COQ10B: variants seen among roughly 807,000 people sequenced by gnomAD.
COQ10B encodes coenzyme Q-binding protein COQ10 homolog B, mitochondrial.
A neutral mutation model predicts 27.6 loss-of-function variants in COQ10B; 12 were observed. That is an observed-to-expected ratio of 0.43 (90% CI 0.28 to 0.70). COQ10B has a LOEUF of 0.70. COQ10B is among the 30% of genes least tolerant of loss of function. The pLI, the probability that COQ10B is intolerant of heterozygous loss-of-function variation, is 0.17. For missense variants in COQ10B, 278 were observed against 288.7 expected (o/e 0.96, Z 0.27); for synonymous variants, 115 against 103.0 (o/e 1.12, Z -0.71).
chr2:197,473,188 CA>C (rs1290362536), intron 4 of COQ10B, among the ~76,000 whole-genome samples: 5 of 151,628 alleles, frequency 3.3e-5, no homozygotes, highest in Non-Finnish European at 7.4e-5. Context: ...TACATACATC[CA>C]CACAATTCTA....
intron 1 of COQ10B, among the ~76,000 whole-genome samples, chr2:197,459,711 T>A (rs1477091926): frequency 6.6e-6 from 1 of 151,836 alleles, no homozygotes; most frequent in African/African-American, 2.4e-5. Flanking sequence ...ATGCCTTTTA[T>A]GCCAGAAGCT....
Position 197,462,624 on chromosome 2 carries a change from A to T in COQ10B, c.340A>T (p.Ile114Leu), listed in dbSNP as rs754328875. 1 of 1,599,782 alleles carries T rather than the reference A, an allele frequency of 6.3e-7. No individual in the cohort carries two copies. Residue 114 changes from isoleucine (I) to leucine (L), a missense_variant, in exon 3 of 5, where the codon ATA (isoleucine) becomes TTA (leucine). Ile to Leu is a conservative substitution (Grantham distance 5). Coordinates refer to ENST00000263960, the MANE Select transcript of COQ10B (RefSeq NM_025147.5). ...FVPWCKKSDVISKRSGYCKTR... is the reference protein window; with the variant it reads ...FVPWCKKSDVLSKRSGYCKTR... Reference sequence around the variant, plus strand: ...TCCTTGGTGCAAAAAATCAGATGTTATATCAAAGAGATCTGGATATTGTAA... The same window carrying T: ...TCCTTGGTGCAAAAAATCAGATGTTTTATCAAAGAGATCTGGATATTGTAA...
In COQ10B at chr2:197,463,670, C is replaced by A. The variant is rs189996546; in HGVS notation, c.447+939C>A. 3.5e-3 allele frequency among the ~76,000 whole-genome samples: 527 copies of A among 150,320 alleles called. 1 individual carries two copies. The highest frequency in any genetic ancestry group is 5.6e-3 in the Non-Finnish European group (378 of 67,612). On this transcript the variant is annotated intron_variant, in intron 3 of 4. Coordinates refer to ENST00000263960, the MANE Select transcript of COQ10B (RefSeq NM_025147.5). Reference sequence around the variant, plus strand: ...AAATATTGGGGGGCAAAGTGGCTCACGCCTGTAATCCCAGCACTTTGGGAG... The same window carrying A: ...AAATATTGGGGGGCAAAGTGGCTCAAGCCTGTAATCCCAGCACTTTGGGAG...
intron 4 of COQ10B, among the ~76,000 whole-genome samples, chr2:197,471,417 C>T (rs1455596620): frequency 6.6e-6 from 1 of 151,834 alleles, no homozygotes; most frequent in African/African-American, 2.4e-5. Flanking sequence ...GCTGGGATTA[C>T]AGGCGTGAGC....
At chr2:197,454,102 C>T (rs1025392287) in intron 1 of COQ10B, 20 of 1,549,854 alleles carry the variant, frequency 1.3e-5, no homozygotes, top group Non-Finnish European at 1.7e-5. Flanking sequence ...GATGCGTTTT[C>T]CCAATTTCTG....
chr2:197,453,757 G>A, intron 1 of COQ10B, 93 bp downstream of exon 1: 2 of 1,184,230 alleles, frequency 1.7e-6, no homozygotes, highest in Non-Finnish European at 2.5e-6. Flanking sequence ...AGGCAGAGCC[G>A]GACTCGGTGC....
In COQ10B at chr2:197,475,086, G is replaced by A. The variant is rs1450881654; in HGVS notation, c.*1162G>A. ...AAAACAAATCAATGTAAGGACTGAA[G>A]TTGAAGTAGCAATGTAATAAAGTTA... is the stretch of plus-strand genomic sequence containing the variant. On this transcript the variant is annotated 3_prime_UTR_variant, in exon 5 of 5. Transcript: ENST00000263960. 1 of 152,328 alleles carries A rather than the reference G, an allele frequency of 6.6e-6. No homozygotes were observed. Among genetic ancestry groups the A allele is most frequent in the African/African-American group, 2.4e-5 (1 of 41,438 alleles). 9.4% of individuals were successfully genotyped at this position (152,328 alleles called of 1,614,324 possible).
intron 3 of COQ10B, 88 bp downstream of exon 3, chr2:197,462,819 T>G: frequency 1.4e-6 from 1 of 732,342 alleles, no homozygotes; most frequent in Non-Finnish European, 2.2e-6. Context: ...CTAAAAAAAC[T>G]TATTTAACCT....
intron 3 of COQ10B, among the ~76,000 whole-genome samples, chr2:197,468,200 G>A (rs1211857092): frequency 2.0e-5 from 3 of 152,070 alleles, no homozygotes; most frequent in Non-Finnish European, 2.9e-5. Context: ...CAGCACTTTG[G>A]AAGGCCGAGG....
At position 197,460,088 on chromosome 2, in the gene COQ10B, A is replaced by G. The variant is rs747818512; in HGVS notation, c.254+7A>G. 8 of 1,587,450 alleles carry G rather than the reference A, an allele frequency of 5.0e-6. No homozygotes were observed. The highest frequency in any genetic ancestry group is 1.7e-4 in the Middle Eastern group (1 of 6,002). On this transcript the variant is annotated splice_region_variant and intron_variant, in intron 2 of 4. Coordinates refer to ENST00000263960, the MANE Select transcript of COQ10B (RefSeq NM_025147.5). Reference sequence around the variant, plus strand: ...CAGAGAGAAGAATTTTAGGGTTCGTATATGATAAGAATTCTACTAAAAGAG... The same window carrying G: ...CAGAGAGAAGAATTTTAGGGTTCGTGTATGATAAGAATTCTACTAAAAGAG...
intron 4 of COQ10B, among the ~76,000 whole-genome samples, chr2:197,473,065 C>G (rs2085895579): frequency 6.6e-6 from 1 of 152,062 alleles, no homozygotes; most frequent in Admixed American, 6.6e-5. Context: ...CAGACTTTTT[C>G]CCTTGAAATG....
chr2:197,454,834 T>A (rs2085678489), intron 1 of COQ10B, among the ~76,000 whole-genome samples: 1 of 152,198 alleles, frequency 6.6e-6, no homozygotes, highest in African/African-American at 2.4e-5. Flanking sequence ...TTCTGACCTT[T>A]ATTATACTTA....
Position 197,453,675 on chromosome 2 carries a change from GC to G in COQ10B, c.104+12del, listed in dbSNP as rs761249453. 58 of 1,608,644 alleles carry G rather than the reference GC, an allele frequency of 3.6e-5. No homozygotes were observed. Among genetic ancestry groups the G allele is most frequent in the Non-Finnish European group, 4.8e-5 (56 of 1,175,404 alleles). ...CGTGCGGAATGGCAGGTAATCAACA[GC>G]GGGGGCGCTGAGACGAGAGTAGTTT... On this transcript the variant is annotated intron_variant, in intron 1 of 4. Transcript: ENST00000263960.
Position 197,473,478 on chromosome 2 carries a change from G to A in COQ10B, c.550-279G>A, listed in dbSNP as rs1175181869. Among the ~76,000 whole-genome samples the A allele has an allele frequency of 5.7e-4, 49 of 86,164 alleles. 1 individual carries two copies. The highest frequency in any genetic ancestry group is 9.6e-4 in the Admixed American group (6 of 6,262). The allele number at this position is 86,164 out of a possible 152,430, so 56.5% of individuals were successfully genotyped here. ...CATATATATATATGTATATATACAC[G>A]TATATATATGTATATACGTATATAT... On this transcript the variant is annotated intron_variant, in intron 4 of 4. Coordinates refer to ENST00000263960, the MANE Select transcript of COQ10B (RefSeq NM_025147.5).
chr2:197,462,128 CTG>C (rs1050577613), intron 2 of COQ10B, among the ~76,000 whole-genome samples: 1 of 151,922 alleles, frequency 6.6e-6, no homozygotes, highest in Non-Finnish European at 1.5e-5. Flanking sequence ...AATTAGCTGA[CTG>C]TGGTGGCACG....
chr2:197,457,615 T>C (rs2085713291), intron 1 of COQ10B, among the ~76,000 whole-genome samples: 1 of 151,910 alleles, frequency 6.6e-6, no homozygotes, highest in Admixed American at 6.6e-5. Context: ...TATGTGTCTT[T>C]TCAATTACTT....
intron 3 of COQ10B, among the ~76,000 whole-genome samples, chr2:197,467,038 C>T (rs1162905925): frequency 6.6e-6 from 1 of 151,454 alleles, no homozygotes; most frequent in East Asian, 1.9e-4. Flanking sequence ...CCTTTGCCTC[C>T]TGGGTTCAAG....
chr2:197,465,764 C>T (rs1458170189), intron 3 of COQ10B, among the ~76,000 whole-genome samples: 1 of 152,024 alleles, frequency 6.6e-6, no homozygotes, highest in African/African-American at 2.4e-5. Context: ...GCCTGGGCAA[C>T]ATAGCAAGTA....
chr2:197,463,152 T>C (rs770118664), intron 3 of COQ10B, among the ~76,000 whole-genome samples: 40 of 152,074 alleles, frequency 2.6e-4, no homozygotes, highest in Non-Finnish European at 5.3e-4. Flanking sequence ...AGGAAAAAAA[T>C]TAAAGTGGTG....
Sources: allele counts gnomAD v4.1 joint callset (sites outside exome capture counted in the v4.1 genomes callset), GRCh38; gene constraint gnomAD v4.1.1; transcripts MANE v1.5; gene names NCBI Gene and HGNC (gene_info 2026-07-23, HGNC 2026-07-21).